The following AK8 variants were observed in gnomAD, a reference collection of about 807,000 sequenced individuals.
AK8 encodes the protein adenylate kinase 8.
In AK8, 44 loss-of-function variants were observed where a neutral mutation model predicts 54.6. The ratio of observed to expected loss-of-function variants is 0.81; its 90% CI spans 0.63 to 1.04. The LOEUF is 1.04. Ranked by LOEUF, AK8 falls within the 50% of genes least tolerant of loss-of-function variation. The probability of loss-of-function intolerance (pLI) is 0.00; values close to 1 mark genes in which losing one functional copy is unlikely to be tolerated. For missense variants in AK8, 555 were observed against 613.6 expected, an observed-to-expected ratio of 0.90 and a Z score of 1.01; for synonymous variants, 239 against 245.6, an observed-to-expected ratio of 0.97 and a Z score of 0.25.
intron 10 of AK8, among the ~76,000 whole-genome samples, chr9:132,795,966 CTAAT>C (rs2131180520): frequency 6.6e-6 from 1 of 152,300 alleles, no homozygotes; most frequent in South Asian, 2.1e-4. Context: ...AGTGTCATCT[CTAAT>C]AATCAAGTAT....
At chr9:132,833,502 T>C (rs1027779854) in intron 5 of AK8, among the ~76,000 whole-genome samples, 2 of 152,156 alleles carry the variant, frequency 1.3e-5, no homozygotes, top group East Asian at 3.9e-4. Flanking sequence ...TTCAGTGAAA[T>C]GTCTATTCCA....
At chr9:132,871,620 G>T (rs1350574648) in intron 2 of AK8, among the ~76,000 whole-genome samples, 1 of 152,182 alleles carries the variant, frequency 6.6e-6, no homozygotes, top group Non-Finnish European at 1.5e-5. Flanking sequence ...CTGGAGGCTG[G>T]CCCCCAGCTA....
chr9:132,828,100 A>G lies in AK8; in HGVS notation c.485-16T>C. The G allele has an allele frequency of 6.4e-7, 1 of 1,563,460 alleles. No individual in the cohort carries two copies. Among genetic ancestry groups the G allele is most frequent in the South Asian group, 1.2e-5 (1 of 84,842 alleles). Reference sequence around the variant, plus strand: ...CTCAGCACAACTGGGCAGAGAAGAAAAGGAGCAAAACCAGGCATGTCGGGC... The same window carrying G: ...CTCAGCACAACTGGGCAGAGAAGAAGAGGAGCAAAACCAGGCATGTCGGGC... On this transcript the variant is annotated splice_polypyrimidine_tract_variant and intron_variant, in intron 6 of 12. Coordinates refer to ENST00000298545, the MANE Select transcript of AK8 (RefSeq NM_152572.3).
At chr9:132,764,220 CA>C (rs1838617586) in intron 11 of AK8, among the ~76,000 whole-genome samples, 1 of 151,992 alleles carries the variant, frequency 6.6e-6, no homozygotes, top group Non-Finnish European at 1.5e-5. Flanking sequence ...TGTGGTGGGA[CA>C]ATCACTTGAG....
chr9:132,827,866 A>T (rs927116463), intron 7 of AK8, 147 bp downstream of exon 7: 5 of 729,716 alleles, frequency 6.9e-6, no homozygotes, highest in Non-Finnish European at 1.1e-5. Flanking sequence ...AGTGTCTTCC[A>T]GCTCAGAGCC....
intron 1 of AK8, among the ~76,000 whole-genome samples, chr9:132,876,212 G>A (rs955322429): frequency 2.6e-5 from 4 of 152,194 alleles, no homozygotes; most frequent in African/African-American, 4.8e-5. Context: ...TTCTCTGCCT[G>A]TTCAGTAGCA....
At position 132,765,446 on chromosome 9, in the gene AK8, G is replaced by A. The variant is rs140536683; in HGVS notation, c.1121+27188C>T. Among the ~76,000 whole-genome samples the A allele has an allele frequency of 4.7e-3, 713 of 151,970 alleles. 4 individuals are homozygous for A. The highest frequency in any genetic ancestry group is 0.016 in the African/African-American group (682 of 41,446). ...CCACACGATCATCTTAATAGATGCA[G>A]AAAAATCATTTGATAAAATTCAACA... On this transcript the variant is annotated intron_variant, in intron 11 of 12. Coordinates refer to ENST00000298545, the MANE Select transcript of AK8 (RefSeq NM_152572.3).
intron 5 of AK8, among the ~76,000 whole-genome samples, chr9:132,838,692 G>A (rs1254398513): frequency 2.6e-5 from 4 of 152,104 alleles, no homozygotes; most frequent in African/African-American, 9.7e-5. Flanking sequence ...TCAGTGGGTG[G>A]GGCTCCTGTG....
At chr9:132,757,030 A>C (rs1838217779) in intron 11 of AK8, among the ~76,000 whole-genome samples, 1 of 152,224 alleles carries the variant, frequency 6.6e-6, no homozygotes, top group Admixed American at 6.5e-5. Context: ...TCAGTTGTGA[A>C]TTAAATACAT....
chr9:132,770,632 TG>T lies in AK8; in HGVS notation c.1121+22001del, dbSNP rs553858902. Among the ~76,000 whole-genome samples, 80 of 152,058 alleles carry T rather than the reference TG, an allele frequency of 5.3e-4. No homozygotes were observed. Among genetic ancestry groups the T allele is most frequent in the African/African-American group, 1.9e-3 (79 of 41,472 alleles). On this transcript the variant is annotated intron_variant, in intron 11 of 12. Coordinates refer to ENST00000298545, the MANE Select transcript of AK8 (RefSeq NM_152572.3). The surrounding 1 kb of genome is among the most constrained non-coding windows in gnomAD (Gnocchi z 4.3). ...AGCCGGTCCCATTTCAACAGAGACCTGGGGCAGCGCGGTGGGCAGCGGGCTG... is the reference window on the plus strand; with the variant it reads ...AGCCGGTCCCATTTCAACAGAGACCTGGGCAGCGCGGTGGGCAGCGGGCTG...
At chr9:132,846,360 C>T (rs1054196482) in intron 5 of AK8, among the ~76,000 whole-genome samples, 11 of 152,218 alleles carry the variant, frequency 7.2e-5, no homozygotes, top group African/African-American at 1.7e-4. Context: ...CTCTAACTGA[C>T]GTGACTCCTT....
Position 132,821,732 on chromosome 9 carries a change from T to C in AK8, c.889+1473A>G, listed in dbSNP as rs569969194. The stretch of plus-strand genomic sequence containing the variant: ...GTACATTTGTATGTATATACATATA[T>C]GTATATTTGTATGTATATACAAATA... On this transcript the variant is annotated intron_variant, in intron 9 of 12. Coordinates refer to ENST00000298545, the MANE Select transcript of AK8 (RefSeq NM_152572.3). Among the ~76,000 whole-genome samples the C allele has an allele frequency of 3.4e-4, 46 of 137,292 alleles. 3 individuals are homozygous for C. The highest frequency in any genetic ancestry group is 7.8e-4 in the African/African-American group (24 of 30,826). 90.1% of individuals were successfully genotyped at this position (137,292 alleles called of 152,430 possible).
intron 11 of AK8, among the ~76,000 whole-genome samples, chr9:132,747,616 A>G (rs1837713873): frequency 6.7e-6 from 1 of 149,318 alleles, no homozygotes. Context: ...TATTTTGTAG[A>G]GAGGGGGTTT....
intron 11 of AK8, among the ~76,000 whole-genome samples, chr9:132,756,693 G>A (rs1838205176): frequency 6.6e-6 from 1 of 152,120 alleles, no homozygotes; most frequent in Non-Finnish European, 1.5e-5. Flanking sequence ...ACTCTTTGAA[G>A]CTCAAAATGG....
chr9:132,799,880 G>A lies in AK8; in HGVS notation c.980-7105C>T, dbSNP rs372580829. Among the ~76,000 whole-genome samples, 8 of 152,246 alleles carry A rather than the reference G, an allele frequency of 5.3e-5. No homozygotes were observed. In the South Asian group the frequency reaches 1.0e-3, roughly 20 times the overall value. The stretch of plus-strand genomic sequence containing the variant: ...GTGTTCATGGGGGAGGCTGGCATTT[G>A]CTTCTCTTTCTCCTGTGGTCCCTGG... On this transcript the variant is annotated intron_variant, in intron 10 of 12. Transcript: ENST00000298545. This position sits in a 1 kb window ranked among gnomAD's most constrained non-coding sequence, Gnocchi z 5.0.
intron 12 of AK8, 69 bp downstream of exon 12, chr9:132,727,385 T>C (rs1836625594): frequency 2.8e-6 from 4 of 1,410,228 alleles, no homozygotes; most frequent in African/African-American, 1.4e-5. Context: ...CACCATGGCA[T>C]TGGTCAGTCA....
At chr9:132,760,756 T>G (rs1186623334) in intron 11 of AK8, among the ~76,000 whole-genome samples, 1 of 152,212 alleles carries the variant, frequency 6.6e-6, no homozygotes, top group African/African-American at 2.4e-5. Context: ...CCCTTCAGTT[T>G]ATAGCTAAGA....
chr9:132,727,681 C>G lies in AK8; in HGVS notation c.1122-147G>C, dbSNP rs1295919294. On this transcript the variant is annotated intron_variant, in intron 11 of 12. Coordinates refer to ENST00000298545, the MANE Select transcript of AK8 (RefSeq NM_152572.3). ...AGCCAGCAAGCAATGTGCCTGCAAA[C>G]CTGCCTTTCATGTACAACCCAACCA... is the stretch of plus-strand genomic sequence containing the variant. 8.5e-6 allele frequency: 6 copies of G among 703,608 alleles called. No individual in the cohort carries two copies. The East Asian group carries it at 1.7e-4, about 20-fold the overall frequency. 43.6% of individuals were successfully genotyped at this position (703,608 alleles called of 1,614,324 possible). A position where few individuals can be genotyped will look rare whatever the true frequency, so the allele number is the denominator to read the frequency against.
rs1303618995 is a variant in AK8 at position 132,876,999 on chromosome 9, A to G, written c.84+1173T>C. On this transcript the variant is annotated intron_variant, in intron 1 of 12. Coordinates refer to ENST00000298545, the MANE Select transcript of AK8 (RefSeq NM_152572.3). ...AAGGATTGCTTGAGCCCAGGAGTTC[A>G]AGGCTGCAGTAAGCCATGATTGTAT... 4.6e-5 allele frequency among the ~76,000 whole-genome samples: 7 copies of G among 152,264 alleles called. No individual in the cohort carries two copies. In the East Asian group the frequency reaches 1.4e-3, roughly 29 times the overall value.
Sources: allele counts gnomAD v4.1 joint callset (sites outside exome capture counted in the v4.1 genomes callset), GRCh38; gene constraint gnomAD v4.1.1; non-coding constraint Gnocchi (gnomAD v3.1); transcripts MANE v1.5; gene names NCBI Gene and HGNC (gene_info 2026-07-23, HGNC 2026-07-21).